WWOX: variants seen among roughly 807,000 people sequenced by gnomAD.
The protein encoded by WWOX is WW domain-containing oxidoreductase.
Under a neutral mutation model 46.2 loss-of-function variants are expected in WWOX, and 69 were observed. The ratio of observed to expected loss-of-function variants is 1.49; its 90% CI spans 1.23 to 1.82. WWOX has a LOEUF of 1.82. WWOX is among the 40% of genes most tolerant of loss of function. The pLI, the probability that WWOX is intolerant of heterozygous loss-of-function variation, is 0.00. For synonymous variants in WWOX, 359 were observed against 202.6 expected (o/e 1.77, Z -6.56); for missense variants, 919 against 542.6 (o/e 1.69, Z -6.89).
intron 8 of WWOX, among the ~76,000 whole-genome samples, chr16:78,712,935 G>T (rs1230866197): frequency 3.3e-5 from 5 of 152,032 alleles, no homozygotes; most frequent in African/African-American, 1.2e-4. Flanking sequence ...ATATTATTCA[G>T]AGGTCTCAAG....
At chr16:78,952,548 A>C (rs928554344) in intron 8 of WWOX, among the ~76,000 whole-genome samples, 1 of 151,676 alleles carries the variant, frequency 6.6e-6, no homozygotes, top group African/African-American at 2.4e-5. Flanking sequence ...ACACCTGGCT[A>C]ATTTTTGTAT....
chr16:79,007,044 G>A (rs916832472), intron 8 of WWOX, among the ~76,000 whole-genome samples: 2 of 152,086 alleles, frequency 1.3e-5, no homozygotes, highest in African/African-American at 4.8e-5. Context: ...ATCTCTAGGG[G>A]ACCATTATCC....
At chr16:78,851,067 C>G (rs149123576) in intron 8 of WWOX, among the ~76,000 whole-genome samples, 71 of 152,224 alleles carry the variant, frequency 4.7e-4, no homozygotes, top group Middle Eastern at 3.4e-3. Flanking sequence ...TAGGTGTGGA[C>G]AGTGAGGCCA....
chr16:78,614,461 C>A (rs770226310), intron 8 of WWOX, among the ~76,000 whole-genome samples: 1 of 152,214 alleles, frequency 6.6e-6, no homozygotes, highest in Non-Finnish European at 1.5e-5. Context: ...GGGGTGAGGG[C>A]GGCAGGTCCT....
chr16:78,295,366 G>A (rs2079927483), intron 5 of WWOX, among the ~76,000 whole-genome samples: 1 of 152,124 alleles, frequency 6.6e-6, no homozygotes, highest in African/African-American at 2.4e-5. Context: ...TGATCTTAGG[G>A]GAAGTAGCAT....
intron 8 of WWOX, chr16:78,873,454 A>G (rs909616198): frequency 3.9e-5 from 6 of 152,046 alleles, no homozygotes; most frequent in Admixed American, 1.3e-4. Flanking sequence ...TTGTTCAGCC[A>G]TTTACAGCTT....
rs138840835 is a variant in WWOX, at chr16:78,471,277, A to T, written c.1056+38525A>T. Among the ~76,000 whole-genome samples the T allele has an allele frequency of 8.2e-3, 1,252 of 152,324 alleles. 16 individuals carry two copies. The highest frequency in any genetic ancestry group is 9.0e-3 in the Non-Finnish European group (610 of 68,024). On this transcript the variant is annotated intron_variant, in intron 8 of 8. Coordinates refer to ENST00000566780, the MANE Select transcript of WWOX (RefSeq NM_016373.4). Reference sequence around the variant, plus strand: ...TCTTGAGCTGCTAATAAACATTCTGATGCAAACATGGAATACAGATTTCAG... The same window carrying T: ...TCTTGAGCTGCTAATAAACATTCTGTTGCAAACATGGAATACAGATTTCAG...
chr16:78,864,646 G>A (rs1335024842), intron 8 of WWOX, among the ~76,000 whole-genome samples: 1 of 151,676 alleles, frequency 6.6e-6, no homozygotes, highest in African/African-American at 2.4e-5. Flanking sequence ...AGGTCCCATT[G>A]GGCCCAGCTC....
intron 8 of WWOX, among the ~76,000 whole-genome samples, chr16:78,972,526 T>G (rs1459153449): frequency 6.6e-6 from 1 of 151,122 alleles, no homozygotes; most frequent in Non-Finnish European, 1.5e-5. Context: ...ACTGACCATC[T>G]CTGGGGGAGG....
chr16:78,481,724 A>ACTGTGTGTGTGT (rs547026122), intron 8 of WWOX, among the ~76,000 whole-genome samples: 1 of 136,970 alleles, frequency 7.3e-6, no homozygotes, highest in African/African-American at 2.7e-5. Context: ...GGGCAAGGGA[A>ACTGTGTGTGTGT]GTGTGTGTGT....
chr16:78,866,007 G>T (rs1469205408), intron 8 of WWOX, among the ~76,000 whole-genome samples: 1 of 152,210 alleles, frequency 6.6e-6, no homozygotes, highest in Non-Finnish European at 1.5e-5. Context: ...AGAAAGGGAA[G>T]CAGTTACAGC....
chr16:78,684,069 A>C (rs544115125), intron 8 of WWOX, among the ~76,000 whole-genome samples: 1 of 152,246 alleles, frequency 6.6e-6, no homozygotes, highest in East Asian at 1.9e-4. Flanking sequence ...TGGCTCGCAC[A>C]TGCTTCCTTT....
chr16:78,830,248 A>T (rs1037099862), intron 8 of WWOX, among the ~76,000 whole-genome samples: 4 of 152,224 alleles, frequency 2.6e-5, no homozygotes, highest in African/African-American at 7.2e-5. Context: ...CATCTGAATG[A>T]TATTTATATG....
At chr16:78,584,034 C>A (rs4578663) in intron 8 of WWOX, among the ~76,000 whole-genome samples, 36,140 of 152,090 alleles carry the variant, frequency 0.24, 5,160 homozygotes, top group African/African-American at 0.41. Flanking sequence ...TGGCCCAGAT[C>A]AACCTGTCCC....
intron 5 of WWOX, among the ~76,000 whole-genome samples, chr16:78,360,505 AAGCTGGG>A (rs1199931163): frequency 1.3e-5 from 2 of 149,104 alleles, no homozygotes; most frequent in Non-Finnish European, 3.0e-5. Context: ...GAATCACTTG[AAGCTGGG>A]AGCTGGAGGC....
chr16:78,228,808 C>T (rs966758692), intron 5 of WWOX, among the ~76,000 whole-genome samples: 2 of 152,202 alleles, frequency 1.3e-5, no homozygotes, highest in African/African-American at 4.8e-5. Context: ...TCATTTACCA[C>T]TCTCTCCTTC....
intron 8 of WWOX, among the ~76,000 whole-genome samples, chr16:78,468,829 A>G (rs148434381): frequency 8.5e-5 from 13 of 152,272 alleles, no homozygotes; most frequent in East Asian, 7.7e-4. Flanking sequence ...GTGTAATTCC[A>G]TATTATATTA....
At chr16:78,436,825 G>A (rs1039217826) in intron 8 of WWOX, among the ~76,000 whole-genome samples, 2 of 152,234 alleles carry the variant, frequency 1.3e-5, no homozygotes, top group Non-Finnish European at 2.9e-5. Context: ...TCCTGCGTAT[G>A]TGGCTCGGCA....
chr16:79,008,344 C>T (rs56276219), intron 8 of WWOX, among the ~76,000 whole-genome samples: 3,253 of 152,270 alleles, frequency 0.021, 53 homozygotes, highest in Middle Eastern at 0.044. Context: ...TAGATCAGTC[C>T]CACTTAGGAT....
Sources: gnomAD v4.1 joint callset for allele counts (sites outside exome capture counted in the v4.1 genomes callset) on GRCh38, gnomAD v4.1.1 for gene constraint, MANE v1.5 for transcripts, NCBI Gene and HGNC (gene_info 2026-07-23, HGNC 2026-07-21) for gene names.